C13orf46: variants seen among roughly 807,000 people sequenced by gnomAD.
C13orf46 encodes the protein uncharacterized protein C13orf46.
intron 6 of C13orf46, among the ~76,000 whole-genome samples, chr13:113,957,912 T>TG (rs1300345110): frequency 1.0e-4 from 12 of 115,386 alleles, no homozygotes; most frequent in South Asian, 3.2e-4. Flanking sequence ...TCAAGCACAC[T>TG]GGGGTCTCCC....
At chr13:113,941,520 G>GA in the C13orf46 span, among the ~76,000 whole-genome samples, 1 of 152,028 alleles carries the variant, frequency 6.6e-6, no homozygotes, top group Non-Finnish European at 1.5e-5. Flanking sequence ...TCTCCTCTGG[G>GA]ACTCCATGTG....
intron 6 of C13orf46, among the ~76,000 whole-genome samples, chr13:113,964,549 C>T (rs2052618443): frequency 6.6e-6 from 1 of 152,224 alleles, no homozygotes; most frequent in Non-Finnish European, 1.5e-5. Flanking sequence ...AAGTCTGCAG[C>T]TAAAACCTAA....
At chr13:113,938,521 C>T in the C13orf46 span, among the ~76,000 whole-genome samples, 2 of 152,212 alleles carry the variant, frequency 1.3e-5, no homozygotes, top group Admixed American at 6.5e-5. Context: ...CCAGACCTTA[C>T]GCTGGGTCCA....
At chr13:113,927,312 G>T in the C13orf46 span, 1 of 382,466 alleles carries the variant, frequency 2.6e-6, no homozygotes, top group Non-Finnish European at 4.6e-6. Context: ...GCTCCTCGCT[G>T]GGGACGCTGC....
the C13orf46 span, among the ~76,000 whole-genome samples, chr13:113,940,198 A>G: frequency 1.3e-5 from 2 of 152,200 alleles, no homozygotes; most frequent in Admixed American, 1.3e-4. Context: ...GGGAAGGAAG[A>G]GTGTGCAGCA....
In C13orf46 at chr13:113,955,162, G is replaced by A. The variant is rs1008903988; in HGVS notation, c.*1611C>T. On this transcript the variant is annotated 3_prime_UTR_variant, in exon 7 of 7. Transcript: ENST00000636427. ...ATCCGGTGGAGATGAGGAGCATCTC[G>A]AGGAGAGGAGGAGCATCTGGTGGAG... 18 of 222,800 alleles carry A rather than the reference G, an allele frequency of 8.1e-5. No individual in the cohort carries two copies. Among genetic ancestry groups the A allele is most frequent in the African/African-American group, 2.9e-4 (11 of 38,418 alleles). The allele number at this position is 222,800 out of a possible 1,614,324, so 13.8% of individuals were successfully genotyped here.
the C13orf46 span, among the ~76,000 whole-genome samples, chr13:113,933,347 G>A: frequency 6.6e-6 from 1 of 152,244 alleles, no homozygotes; most frequent in African/African-American, 2.4e-5. Context: ...AGTGGCCATA[G>A]ATGAGTAGGC....
the C13orf46 span, among the ~76,000 whole-genome samples, chr13:113,940,126 G>C: frequency 1.3e-5 from 2 of 152,238 alleles, no homozygotes; most frequent in African/African-American, 4.8e-5. Flanking sequence ...CCAGGGGCGG[G>C]GGCTGCGCCT....
At chr13:113,964,587 T>A (rs2052618744) in intron 6 of C13orf46, among the ~76,000 whole-genome samples, 1 of 152,200 alleles carries the variant, frequency 6.6e-6, no homozygotes, top group South Asian at 2.1e-4. Context: ...CATGCACTTA[T>A]CACCTCTCCC....
At position 113,955,546 on chromosome 13, in the gene C13orf46, TCG is replaced by T. The variant is rs2052520613; in HGVS notation, c.*1225_*1226del. ...GCATCTGGCGGAGACGAGGAGCATC[TCG>T]TGGAGAGGAGGAGCATCTCGTGGAG... On this transcript the variant is annotated 3_prime_UTR_variant, in exon 7 of 7. Transcript: ENST00000636427. The T allele has an allele frequency of 2.3e-4, 6 of 26,548 alleles. 1 individual carries two copies. The highest frequency in any genetic ancestry group is 6.0e-4 in the African/African-American group (6 of 9,946). The allele number at this position is 26,548 out of a possible 1,614,324, so 1.6% of individuals were successfully genotyped here. A position where few individuals can be genotyped will look rare whatever the true frequency, so the allele number is the denominator to read the frequency against.
At position 113,955,852 on chromosome 13, in the gene C13orf46, AG is replaced by A. The variant is rs1283940037; in HGVS notation, c.*920del. 6.3e-6 allele frequency: 1 copy of A among 157,770 alleles called. No homozygotes were observed. Among genetic ancestry groups the A allele is most frequent in the Non-Finnish European group, 1.3e-5 (1 of 74,914 alleles). 9.8% of individuals were successfully genotyped at this position (157,770 alleles called of 1,614,324 possible). ...TGGAGACGAGGAGCATCTCGAGGAGAGGAGGAGCATCTCGAGGAGAGGAGGA... is the reference window on the plus strand; with the variant it reads ...TGGAGACGAGGAGCATCTCGAGGAGAGAGGAGCATCTCGAGGAGAGGAGGA... On this transcript the variant is annotated 3_prime_UTR_variant, in exon 7 of 7. Transcript: ENST00000636427.
the C13orf46 span, among the ~76,000 whole-genome samples, chr13:113,942,867 G>T: frequency 6.6e-6 from 1 of 152,236 alleles, no homozygotes; most frequent in South Asian, 2.1e-4. Context: ...CTCTGAGAAA[G>T]GCACAGCGCC....
At chr13:113,937,685 C>T in the C13orf46 span, among the ~76,000 whole-genome samples, 1 of 152,156 alleles carries the variant, frequency 6.6e-6, no homozygotes, top group South Asian at 2.1e-4. Context: ...CAACATACAT[C>T]GGATGAACGC....
intron 5 of C13orf46, among the ~76,000 whole-genome samples, chr13:113,965,768 T>C (rs1478698866): frequency 6.7e-6 from 1 of 149,330 alleles, no homozygotes; most frequent in East Asian, 2.0e-4. Flanking sequence ...ATGGTGATGA[T>C]GGTGATGGTG....
At chr13:113,964,505 G>A (rs1030785560) in intron 6 of C13orf46, among the ~76,000 whole-genome samples, 5 of 152,198 alleles carry the variant, frequency 3.3e-5, no homozygotes, top group East Asian at 1.9e-4. Flanking sequence ...GACACCAGCC[G>A]TGTATGCACG....
intron 6 of C13orf46, among the ~76,000 whole-genome samples, chr13:113,960,122 T>TGGGCCCACCA (rs2052575875): frequency 6.6e-6 from 1 of 150,720 alleles, no homozygotes; most frequent in Non-Finnish European, 1.5e-5. Flanking sequence ...CCAGACATGG[T>TGGGCCCACCA]GGTGGGCGCC....
At chr13:113,938,831 G>A in the C13orf46 span, among the ~76,000 whole-genome samples, 7 of 152,024 alleles carry the variant, frequency 4.6e-5, no homozygotes, top group African/African-American at 1.7e-4. Flanking sequence ...TGCCCAGCAC[G>A]TCCTTCCAAA....
the C13orf46 span, among the ~76,000 whole-genome samples, chr13:113,946,497 G>A: frequency 6.6e-6 from 1 of 152,354 alleles, no homozygotes; most frequent in East Asian, 1.9e-4. Context: ...AGGCCAGGAG[G>A]CTGTGTGGGT....
At chr13:113,936,914 G>A in the C13orf46 span, among the ~76,000 whole-genome samples, 1 of 152,028 alleles carries the variant, frequency 6.6e-6, no homozygotes, top group African/African-American at 2.4e-5. Context: ...TTGGGAAGTT[G>A]CATATTTTGA....
Sources: gnomAD v4.1 joint callset for allele counts (sites outside exome capture counted in the v4.1 genomes callset) on GRCh38, gnomAD v4.1.1 for gene constraint, MANE v1.5 for transcripts, NCBI Gene and HGNC (gene_info 2026-07-23, HGNC 2026-07-21) for gene names.